MAST4: variants seen among roughly 807,000 people sequenced by gnomAD.
MAST4 encodes the protein microtubule associated serine/threonine kinase family member 4.
A neutral mutation model predicts 162.7 loss-of-function variants in MAST4; 89 were observed. The ratio of observed to expected loss-of-function variants is 0.55; its 90% CI spans 0.46 to 0.65. MAST4 has a LOEUF of 0.65. MAST4 is among the 30% of genes least tolerant of loss of function. The pLI is 0.00. For synonymous variants in MAST4, 1,479 were observed against 1,361.1 expected, an observed-to-expected ratio of 1.09 and a Z score of -1.91; for missense variants, 3,153 against 3,374.0, an observed-to-expected ratio of 0.93 and a Z score of 1.62.
chr5:67,149,789 G>A (rs1172528110), intron 24 of MAST4, among the ~76,000 whole-genome samples, 200 bp downstream of exon 24: 2 of 152,172 alleles, frequency 1.3e-5, no homozygotes, highest in Non-Finnish European at 2.9e-5. Context: ...GGAGCATTTT[G>A]GCCTATTTCA....
chr5:67,070,881 C>T (rs1276795635), intron 5 of MAST4, among the ~76,000 whole-genome samples: 1 of 152,168 alleles, frequency 6.6e-6, no homozygotes, highest in African/African-American at 2.4e-5. Context: ...CTGGCAGTCA[C>T]CACCCAACCC....
At chr5:66,629,140 C>T (rs1744635638) in intron 1 of MAST4, among the ~76,000 whole-genome samples, 1 of 152,186 alleles carries the variant, frequency 6.6e-6, no homozygotes, top group Non-Finnish European at 1.5e-5. Flanking sequence ...ATTGAGCCTG[C>T]ATTGATAATC....
At chr5:67,069,859 A>G (rs1275119076) in intron 5 of MAST4, among the ~76,000 whole-genome samples, 1 of 148,186 alleles carries the variant, frequency 6.7e-6, no homozygotes, top group East Asian at 2.0e-4. Context: ...GAATGAACGT[A>G]GTTTCGAAGG....
At chr5:66,888,667 T>C (rs1194596814) in intron 3 of MAST4, among the ~76,000 whole-genome samples, 2 of 152,230 alleles carry the variant, frequency 1.3e-5, no homozygotes, top group Non-Finnish European at 2.9e-5. Flanking sequence ...GCAGTTGAAA[T>C]GTACATTTAT....
In MAST4 at chr5:66,984,282, T is replaced by G. The variant is rs563973819; in HGVS notation, c.675-70122T>G. Among the ~76,000 whole-genome samples the G allele has an allele frequency of 2.6e-5, 4 of 152,086 alleles. No individual in the cohort carries two copies. The East Asian group carries it at 7.7e-4, about 29-fold the overall frequency. The stretch of plus-strand genomic sequence containing the variant: ...CCATGAGAAAACCAAAGCAAAAGCC[T>G]CCCAAGTAAAGAGGCCACCCAGGGC... On this transcript the variant is annotated intron_variant, in intron 4 of 28. Transcript: ENST00000403625.
intron 1 of MAST4, among the ~76,000 whole-genome samples, chr5:66,609,071 T>TTC (rs1321209365): frequency 1.4e-5 from 2 of 146,934 alleles, no homozygotes. Flanking sequence ...TTTTTTTTTT[T>TTC]CCCTGTAAAT....
At chr5:67,029,661 T>C (rs1008919727) in intron 4 of MAST4, among the ~76,000 whole-genome samples, 2 of 152,174 alleles carry the variant, frequency 1.3e-5, no homozygotes, top group Admixed American at 6.6e-5. Context: ...GTTTATTTTT[T>C]GATAAGAACA....
intron 2 of MAST4, among the ~76,000 whole-genome samples, chr5:66,761,059 C>T (rs866370660): frequency 1.1e-4 from 17 of 152,140 alleles, no homozygotes; most frequent in African/African-American, 3.9e-4. Flanking sequence ...AATTGCTGTG[C>T]GTTCTTGCTA....
chr5:66,801,243 G>A (rs1190025198), intron 3 of MAST4, among the ~76,000 whole-genome samples: 1 of 152,156 alleles, frequency 6.6e-6, no homozygotes, highest in Non-Finnish European at 1.5e-5. Context: ...GACATTTACT[G>A]TAGAATTTCA....
In MAST4 at chr5:67,104,631, A is replaced by AT. The variant is rs111611459; in HGVS notation, c.1356+65dup. On this transcript the variant is annotated intron_variant, in intron 10 of 28. Coordinates refer to ENST00000403625, the MANE Select transcript of MAST4 (RefSeq NM_001164664.2). The stretch of plus-strand genomic sequence containing the variant: ...TTTATTTTGCTTTTCCCTGAAAAAA[A>AT]TTTTTTTTTGCTTACAAGTTATAAC... The AT allele has an allele frequency of 1.7e-3, 2,540 of 1,466,234 alleles. 34 individuals are homozygous for AT. The African/African-American group carries it at 0.029, about 17-fold the overall frequency. 90.8% of individuals were successfully genotyped at this position (1,466,234 alleles called of 1,614,324 possible).
chr5:66,757,356 A>G (rs1753602734), intron 1 of MAST4, among the ~76,000 whole-genome samples: 1 of 152,220 alleles, frequency 6.6e-6, no homozygotes, highest in Admixed American at 6.5e-5. Flanking sequence ...TTCTTAGTGC[A>G]TTTACTAGGA....
intron 5 of MAST4, among the ~76,000 whole-genome samples, chr5:67,065,685 C>CT (rs1215564242): frequency 6.6e-6 from 1 of 152,116 alleles, no homozygotes; most frequent in Non-Finnish European, 1.5e-5. Context: ...AAAGCATTTT[C>CT]TTTTTTTGGC....
At chr5:66,863,904 T>G (rs761387080) in intron 3 of MAST4, among the ~76,000 whole-genome samples, 2 of 152,200 alleles carry the variant, frequency 1.3e-5, no homozygotes, top group Non-Finnish European at 2.9e-5. Flanking sequence ...AGAGCCCTAC[T>G]CCTTTGTAAG....
intron 1 of MAST4, among the ~76,000 whole-genome samples, chr5:66,705,678 G>A (rs956587425): frequency 6.6e-6 from 1 of 151,720 alleles, no homozygotes; most frequent in African/African-American, 2.4e-5. Context: ...AGCACTCAAA[G>A]CTTCATGATT....
chr5:67,034,070 A>C (rs1228707381), intron 4 of MAST4, among the ~76,000 whole-genome samples: 1 of 152,144 alleles, frequency 6.6e-6, no homozygotes, highest in Non-Finnish European at 1.5e-5. Context: ...TTAAGTACAA[A>C]ATGTCTTATC....
chr5:66,891,000 T>C (rs1414874221), intron 3 of MAST4, among the ~76,000 whole-genome samples: 1 of 152,184 alleles, frequency 6.6e-6, no homozygotes, highest in Non-Finnish European at 1.5e-5. Flanking sequence ...GTGTAAAAAA[T>C]TTAAAGTGGA....
chr5:67,038,817 A>G (rs1489127435), intron 4 of MAST4, among the ~76,000 whole-genome samples: 8 of 152,204 alleles, frequency 5.3e-5, no homozygotes, highest in Admixed American at 3.9e-4. Flanking sequence ...GAGGCAAGCT[A>G]ATAGTACAAT....
intron 5 of MAST4, among the ~76,000 whole-genome samples, chr5:67,061,158 C>CTGTGTG (rs10538886): frequency 8.5e-4 from 129 of 151,278 alleles, no homozygotes; most frequent in African/African-American, 1.9e-3. Context: ...TGTATGTACT[C>CTGTGTG]TGTGTGTGTG....
chr5:66,950,222 CTTTTTTTTTCT>C (rs927326202), intron 4 of MAST4, among the ~76,000 whole-genome samples: 10 of 131,674 alleles, frequency 7.6e-5, no homozygotes, highest in African/African-American at 4.3e-4. Context: ...AACTAGTATA[CTTTTTTTTTCT>C]TTTTTTTTCT....
Sources: gnomAD v4.1 joint callset for allele counts (sites outside exome capture counted in the v4.1 genomes callset) on GRCh38, gnomAD v4.1.1 for gene constraint, MANE v1.5 for transcripts, NCBI Gene and HGNC (gene_info 2026-07-23, HGNC 2026-07-21) for gene names.